Variants in AP2A2 observed in about 807,000 individuals in gnomAD.
AP2A2 encodes AP-2 complex subunit alpha-2.
Under a neutral mutation model 104.2 loss-of-function variants are expected in AP2A2, and 32 were observed. That is an observed-to-expected ratio of 0.31 (90% CI 0.23 to 0.41). The LOEUF is 0.41. AP2A2 is among the 10% of genes least tolerant of loss of function. AP2A2 has a pLI of 1.00. For missense variants in AP2A2, 912 were observed against 1,261.0 expected (o/e 0.72, Z 4.19); for synonymous variants, 539 against 533.3 (o/e 1.01, Z -0.15).
intron 8 of AP2A2, among the ~76,000 whole-genome samples, chr11:986,456 A>T (rs1038951575): frequency 6.6e-6 from 1 of 152,052 alleles, no homozygotes; most frequent in African/African-American, 2.4e-5. Flanking sequence ...TCTGGCTGAG[A>T]CCCCATTGCC....
chr11:925,899 C>A lies in AP2A2; in HGVS notation c.-123C>A, dbSNP rs1442335636. ...AGCGGCGCTGGGACCCTGAGGCGGC[C>A]GTGGTTAGGCGGCTCCCCGGCGGCT... On this transcript the variant is annotated 5_prime_UTR_variant, in exon 1 of 22. Coordinates refer to ENST00000448903, the MANE Select transcript of AP2A2 (RefSeq NM_012305.4). The A allele has an allele frequency of 1.5e-6, 1 of 669,636 alleles. No individual in the cohort carries two copies. Among genetic ancestry groups the A allele is most frequent in the East Asian group, 3.9e-5 (1 of 25,824 alleles). The allele number at this position is 669,636 out of a possible 1,614,324, so 41.5% of individuals were successfully genotyped here.
rs1401319992 is a variant in AP2A2, at chr11:925,932, G to A, written c.-90G>A. ...GGCGGCTCCCCGGCGGCTCCTCCGC[G>A]GCGGTGACGGCGACCGCACTCCCCG... On this transcript the variant is annotated 5_prime_UTR_variant, in exon 1 of 22. Transcript: ENST00000448903. 3.1e-5 allele frequency: 32 copies of A among 1,028,428 alleles called. No individual in the cohort carries two copies. The highest frequency in any genetic ancestry group is 3.7e-5 in the Non-Finnish European group (29 of 775,756). The allele number at this position is 1,028,428 out of a possible 1,614,324, so 63.7% of individuals were successfully genotyped here.
chr11:942,920 A>G (rs1410043603), intron 1 of AP2A2, among the ~76,000 whole-genome samples: 3 of 152,116 alleles, frequency 2.0e-5, no homozygotes, highest in Non-Finnish European at 1.5e-5. Flanking sequence ...GTTGTGTTTC[A>G]GGACCTGAGA....
chr11:926,008 C>T lies in AP2A2; in HGVS notation c.-14C>T. The T allele has an allele frequency of 1.4e-6, 2 of 1,404,638 alleles. No individual in the cohort carries two copies. The highest frequency in any genetic ancestry group is 1.9e-6 in the Non-Finnish European group (2 of 1,066,286). The allele number at this position is 1,404,638 out of a possible 1,614,324, so 87.0% of individuals were successfully genotyped here. On this transcript the variant is annotated 5_prime_UTR_variant, in exon 1 of 22. Transcript: ENST00000448903. ...CCGGGTCCGCCAGCCGAGGCCGCTC[C>T]CGAGCGTCGGAAGATGCCGGCCGTG...
intron 1 of AP2A2, among the ~76,000 whole-genome samples, chr11:930,035 C>T (rs1040380737): frequency 3.3e-4 from 50 of 149,664 alleles, no homozygotes; most frequent in African/African-American, 6.9e-4. Flanking sequence ...GCGGAAGAAT[C>T]GCTTGAACCC....
intron 2 of AP2A2, among the ~76,000 whole-genome samples, chr11:959,880 G>A (rs1232335395): frequency 2.6e-5 from 4 of 152,198 alleles, no homozygotes; most frequent in Non-Finnish European, 4.4e-5. Flanking sequence ...ACCTGCGCTC[G>A]GTGGACTGCC....
intron 3 of AP2A2, among the ~76,000 whole-genome samples, chr11:971,668 G>A (rs11246364): frequency 0.5 from 76,417 of 151,574 alleles, 19,857 homozygotes; most frequent in Middle Eastern, 0.66. Context: ...TCTGGAAATT[G>A]TTGTAGCTAA....
chr11:1,010,660 T>C lies in AP2A2; in HGVS notation c.*35T>C, dbSNP rs2133800258. 1 of 1,530,686 alleles carries C rather than the reference T, an allele frequency of 6.5e-7. No individual in the cohort carries two copies. The highest frequency in any genetic ancestry group is 1.9e-5 in the Admixed American group (1 of 52,512). 94.8% of individuals were successfully genotyped at this position (1,530,686 alleles called of 1,614,324 possible). A position where few individuals can be genotyped will look rare whatever the true frequency, so the allele number is the denominator to read the frequency against. ...TGGAAGACCAGGCTCGTGTGTCTTG[T>C]GTTGTCTTCGTCTGTGCCGTTTGTC... On this transcript the variant is annotated 3_prime_UTR_variant, in exon 22 of 22. Transcript: ENST00000448903.
chr11:978,744 C>A (rs1855138053), intron 5 of AP2A2, among the ~76,000 whole-genome samples: 1 of 152,162 alleles, frequency 6.6e-6, no homozygotes, highest in Non-Finnish European at 1.5e-5. Context: ...AAGTCAGGAG[C>A]CCCCAAGAAA....
intron 8 of AP2A2, among the ~76,000 whole-genome samples, chr11:986,409 G>C (rs536700101): frequency 6.6e-6 from 1 of 152,208 alleles, no homozygotes; most frequent in Non-Finnish European, 1.5e-5. Flanking sequence ...CCGCGCTCCC[G>C]GCCTTCTCGG....
In AP2A2 at chr11:988,620, C is replaced by A; in HGVS notation, c.1200C>A (p.Asn400Lys). Residue 400 changes from asparagine (N) to lysine (K), a missense_variant, in exon 10 of 22, where the codon AAC (asparagine) becomes AAA (lysine). Physicochemically the swap from Asn to Lys is moderately conservative, Grantham distance 94. Transcript: ENST00000448903. ...TCTACGCCATGTGCGACCGCAGCAA[C>A]GCCCCACAGATCGTGGCCGAGATGC... ...DLLYAMCDRS[N>K]APQIVAEMLS... The A allele has an allele frequency of 1.2e-6, 2 of 1,613,632 alleles. No individual in the cohort carries two copies. Among genetic ancestry groups the A allele is most frequent in the Non-Finnish European group, 1.7e-6 (2 of 1,179,884 alleles).
At chr11:929,486 G>C (rs1853219030) in intron 1 of AP2A2, among the ~76,000 whole-genome samples, 1 of 152,222 alleles carries the variant, frequency 6.6e-6, no homozygotes, top group African/African-American at 2.4e-5. Flanking sequence ...CGGAGCCTCA[G>C]TTTCCTCAGC....
chr11:938,135 A>T (rs368237411), intron 1 of AP2A2, among the ~76,000 whole-genome samples: 1 of 152,172 alleles, frequency 6.6e-6, no homozygotes, highest in South Asian at 2.1e-4. Context: ...TTGCTTTATG[A>T]TGGTGACAGA....
At position 959,435 on chromosome 11, in the gene AP2A2, A is replaced by T; in HGVS notation, c.68-2A>T. 1 of 1,514,194 alleles carries T rather than the reference A, an allele frequency of 6.6e-7. No individual in the cohort carries two copies. Among genetic ancestry groups the T allele is most frequent in the Non-Finnish European group, 9.1e-7 (1 of 1,100,134 alleles). The allele number at this position is 1,514,194 out of a possible 1,614,324, so 93.8% of individuals were successfully genotyped here. A position where few individuals can be genotyped will look rare whatever the true frequency, so the allele number is the denominator to read the frequency against. ...AAAATGGCTTTTTGTTCTTTTTTTT[A>T]GGTAAAAGTAAAGAAGCAGAAATAA... On this transcript the variant is annotated splice_acceptor_variant, in intron 1 of 21. Coordinates refer to ENST00000448903, the MANE Select transcript of AP2A2 (RefSeq NM_012305.4). LOFTEE classifies it high-confidence loss of function.
At chr11:967,657 G>A (rs1169502178) in intron 2 of AP2A2, among the ~76,000 whole-genome samples, 1 of 152,138 alleles carries the variant, frequency 6.6e-6, no homozygotes, top group Non-Finnish European at 1.5e-5. Context: ...ACCATGCGCG[G>A]CCCTGTTTCA....
At chr11:997,108 G>A (rs1245273233) in intron 14 of AP2A2, among the ~76,000 whole-genome samples, 3 of 152,158 alleles carry the variant, frequency 2.0e-5, no homozygotes, top group African/African-American at 4.8e-5. Flanking sequence ...CCTCAGGGTG[G>A]CATCAGCACA....
In AP2A2 at chr11:993,510, G is replaced by A. The variant is rs912243108; in HGVS notation, c.1550+129G>A. The A allele has an allele frequency of 8.3e-6, 6 of 725,000 alleles. No individual in the cohort carries two copies. Among genetic ancestry groups the A allele is most frequent in the Admixed American group, 6.4e-5 (2 of 31,296 alleles). The allele number at this position is 725,000 out of a possible 1,614,324, so 44.9% of individuals were successfully genotyped here. A position where few individuals can be genotyped will look rare whatever the true frequency, so the allele number is the denominator to read the frequency against. On this transcript the variant is annotated intron_variant, in intron 12 of 21. Coordinates refer to ENST00000448903, the MANE Select transcript of AP2A2 (RefSeq NM_012305.4). The surrounding 1 kb of genome is among the most constrained non-coding windows in gnomAD (Gnocchi z 8.2). ...AGAGCCGCTTCTGCTCCCCATCGGC[G>A]TCTTTTTGTTTTCCTTCAGTTGATA...
chr11:940,726 T>A, intron 1 of AP2A2: 1 of 442,470 alleles, frequency 2.3e-6, no homozygotes, highest in Admixed American at 2.4e-5. Flanking sequence ...TGTGAGGTTC[T>A]GAGCTCTCAC....
Position 994,158 on chromosome 11 carries a change from G to T in AP2A2, c.1869G>T (p.Thr623=). 6.2e-7 allele frequency: 1 copy of T among 1,613,136 alleles called. No individual in the cohort carries two copies. The highest frequency in any genetic ancestry group is 8.5e-7 in the Non-Finnish European group (1 of 1,179,854). The change falls in exon 14 of 22, where the codon ACG becomes ACT. Residue 623 remains threonine, a synonymous_variant. Coordinates refer to ENST00000448903, the MANE Select transcript of AP2A2 (RefSeq NM_012305.4). The part of the protein sequence containing the change: ...AKLKKKKGPS[T]VTDLEDTKRD... ...TCAAGAAGAAGAAGGGCCCCAGCAC[G>T]GTGACAGACCTGGAGGACACCAAGC...
Sources: allele counts gnomAD v4.1 joint callset (sites outside exome capture counted in the v4.1 genomes callset), GRCh38; gene constraint gnomAD v4.1.1; non-coding constraint Gnocchi (gnomAD v3.1); transcripts MANE v1.5; gene names NCBI Gene and HGNC (gene_info 2026-07-23, HGNC 2026-07-21).